TP63: variants seen among roughly 807,000 people sequenced by gnomAD.
TP63 encodes tumor protein p63, also known as tumor protein 63.
TP63 carries 17 observed loss-of-function variants against 82.8 expected under a neutral mutation model. That is an observed-to-expected ratio of 0.21 (90% CI 0.14 to 0.31). TP63 has a LOEUF of 0.31. TP63 is among the 10% of genes least tolerant of loss of function. TP63 has a pLI of 1.00. For synonymous variants in TP63, 330 were observed against 321.7 expected (o/e 1.03, Z -0.28); for missense variants, 648 against 895.3 (o/e 0.72, Z 3.52).
At chr3:189,707,873 G>A (rs1384647586) in intron 1 of TP63, among the ~76,000 whole-genome samples, 2 of 152,072 alleles carry the variant, frequency 1.3e-5, no homozygotes, top group Admixed American at 6.5e-5. Flanking sequence ...TTGACCACTA[G>A]CTATAATAAA....
chr3:189,770,152 T>C (rs1209032291), intron 3 of TP63, among the ~76,000 whole-genome samples: 1 of 152,212 alleles, frequency 6.6e-6, no homozygotes, highest in African/African-American at 2.4e-5. Flanking sequence ...ACAATCTGAA[T>C]CTTCTAAATG....
intron 1 of TP63, among the ~76,000 whole-genome samples, chr3:189,718,397 C>T (rs1241644563): frequency 2.6e-5 from 4 of 151,164 alleles, no homozygotes; most frequent in African/African-American, 9.7e-5. Context: ...ACAACCATGA[C>T]AGAAGGCAAA....
At chr3:189,744,525 A>G (rs1022017021) in intron 3 of TP63, among the ~76,000 whole-genome samples, 17 of 152,172 alleles carry the variant, frequency 1.1e-4, no homozygotes, top group Admixed American at 2.0e-4. Context: ...CACCATTGGC[A>G]GCTGAGCATT....
chr3:189,874,285 T>C (rs998191480), intron 10 of TP63, among the ~76,000 whole-genome samples: 2 of 152,208 alleles, frequency 1.3e-5, no homozygotes, highest in Admixed American at 6.5e-5. Context: ...TTAGCCAGGC[T>C]GGTCGCGAAC....
chr3:189,796,777 T>C (rs140750637), intron 3 of TP63, among the ~76,000 whole-genome samples: 6 of 152,224 alleles, frequency 3.9e-5, no homozygotes, highest in African/African-American at 1.2e-4. Flanking sequence ...GCACCTATAC[T>C]ATTCAAAAAC....
intron 4 of TP63, among the ~76,000 whole-genome samples, chr3:189,842,022 T>G (rs924038073): frequency 9.2e-5 from 14 of 152,092 alleles, no homozygotes; most frequent in African/African-American, 3.4e-4. Context: ...GAAAACCAGT[T>G]TGGGCCCAGA....
At chr3:189,731,574 G>A (rs932912747) in intron 1 of TP63, among the ~76,000 whole-genome samples, 9 of 151,882 alleles carry the variant, frequency 5.9e-5, no homozygotes, top group Non-Finnish European at 1.0e-4. Flanking sequence ...GAAAATAAAG[G>A]TGCAACAGAC....
At chr3:189,627,194 A>G (rs1729338949), upstream of TP63, among the ~76,000 whole-genome samples, 1 of 152,180 alleles carries the variant, frequency 6.6e-6, no homozygotes, top group Non-Finnish European at 1.5e-5. Flanking sequence ...CTATTTTGCC[A>G]AAGACCTCAG....
intron 3 of TP63, among the ~76,000 whole-genome samples, chr3:189,758,983 T>TG (rs1365688960): frequency 6.6e-6 from 1 of 152,262 alleles, no homozygotes. Flanking sequence ...TTTGTTTATT[T>TG]GGGTGTCATT....
At position 189,897,046 on chromosome 3, in the gene TP63, TC is replaced by T. The variant is rs1166855196; in HGVS notation, c.*2545del. The T allele has an allele frequency of 4.4e-6, 1 of 225,896 alleles. No individual in the cohort carries two copies. Among genetic ancestry groups the T allele is most frequent in the Admixed American group, 5.7e-5 (1 of 17,484 alleles). 14.0% of individuals were successfully genotyped at this position (225,896 alleles called of 1,614,324 possible). ...ATTGAATGTTAAAGGGATATTTTTT[TC>T]TATTATTTTTATAATTGTACAAAAT... On this transcript the variant is annotated 3_prime_UTR_variant, in exon 14 of 14. Transcript: ENST00000264731.
the TP63 span, among the ~76,000 whole-genome samples, chr3:189,621,950 T>A: frequency 6.6e-6 from 1 of 152,178 alleles, no homozygotes; most frequent in Non-Finnish European, 1.5e-5. Flanking sequence ...AGGTAGCACT[T>A]TAAATTTACC....
At chr3:189,709,412 T>C (rs1718432304) in intron 1 of TP63, among the ~76,000 whole-genome samples, 1 of 151,926 alleles carries the variant, frequency 6.6e-6, no homozygotes, top group Non-Finnish European at 1.5e-5. Context: ...TGTTGTCCTA[T>C]TTATGATTTT....
chr3:189,880,613 A>T, intron 10 of TP63: 2 of 986,176 alleles, frequency 2.0e-6, no homozygotes, highest in Non-Finnish European at 2.4e-6. Flanking sequence ...AGGAGAAAAA[A>T]GTTGTTATTG....
At chr3:189,622,915 G>A in the TP63 span, among the ~76,000 whole-genome samples, 9 of 152,286 alleles carry the variant, frequency 5.9e-5, no homozygotes, top group African/African-American at 2.2e-4. Flanking sequence ...GATAAACCAC[G>A]ATACAAAGCC....
chr3:189,674,785 GA>G (rs1353114782), intron 1 of TP63, among the ~76,000 whole-genome samples: 1 of 152,120 alleles, frequency 6.6e-6, no homozygotes, highest in Non-Finnish European at 1.5e-5. Flanking sequence ...TGGCAGATCT[GA>G]ACTAGCACAG....
At chr3:189,666,773 G>A (rs937288396) in intron 1 of TP63, among the ~76,000 whole-genome samples, 2 of 152,044 alleles carry the variant, frequency 1.3e-5, no homozygotes, top group African/African-American at 4.8e-5. Context: ...CAAGCTTAGT[G>A]TATATGGGTA....
chr3:189,753,950 C>A (rs1215088931), intron 3 of TP63, among the ~76,000 whole-genome samples: 2 of 152,038 alleles, frequency 1.3e-5, no homozygotes, highest in Non-Finnish European at 2.9e-5. Flanking sequence ...GGCTTTATAA[C>A]CCTCACACCT....
rs541863995 is a variant in TP63 at position 189,726,274 on chromosome 3, T to A, written c.63-11466T>A. ...GGCTCAACACCTTGGTCTGCTGCTATTGATGGAATATGTGATCTTGACAAG... is the reference window on the plus strand; with the variant it reads ...GGCTCAACACCTTGGTCTGCTGCTAATGATGGAATATGTGATCTTGACAAG... On this transcript the variant is annotated intron_variant, in intron 1 of 13. Transcript: ENST00000264731. Among the ~76,000 whole-genome samples the A allele has an allele frequency of 2.0e-4, 31 of 152,312 alleles. 1 individual carries two copies. Among genetic ancestry groups the A allele is most frequent in the African/African-American group, 7.5e-4 (31 of 41,578 alleles).
chr3:189,788,045 A>G (rs1309292297), intron 3 of TP63, among the ~76,000 whole-genome samples: 2 of 151,460 alleles, frequency 1.3e-5, no homozygotes, highest in Non-Finnish European at 2.9e-5. Flanking sequence ...TAGAATTTAG[A>G]CACATTGTAC....
Sources: allele counts gnomAD v4.1 joint callset (sites outside exome capture counted in the v4.1 genomes callset), GRCh38; gene constraint gnomAD v4.1.1; transcripts MANE v1.5; gene names NCBI Gene and HGNC (gene_info 2026-07-23, HGNC 2026-07-21).